The following ARHGAP20 variants were observed in gnomAD, a reference collection of about 807,000 sequenced individuals.
ARHGAP20 encodes Rho GTPase activating protein 20.
ARHGAP20 carries 34 observed loss-of-function variants against 73.7 expected under a neutral mutation model. The ratio of observed to expected loss-of-function variants is 0.46; its 90% CI spans 0.35 to 0.61. The LOEUF (loss-of-function observed/expected upper bound fraction) is 0.61. Among genes scored for constraint, ARHGAP20 ranks in the 20% least tolerant of loss-of-function variants. The probability of loss-of-function intolerance (pLI) is 0.00; values close to 1 mark genes in which losing one functional copy is unlikely to be tolerated. For missense variants in ARHGAP20, 1,314 were observed against 1,420.9 expected (o/e 0.92, Z 1.21); for synonymous variants, 523 against 518.2 (o/e 1.01, Z -0.13).
chr11:110,621,006 A>G (rs1199319023), intron 4 of ARHGAP20, among the ~76,000 whole-genome samples: 2 of 140,172 alleles, frequency 1.4e-5, no homozygotes, highest in Non-Finnish European at 3.0e-5. Context: ...GCCGGGAGGC[A>G]GAGGTTGCAG....
At chr11:110,696,022 T>C (rs190948999) in intron 1 of ARHGAP20, among the ~76,000 whole-genome samples, 1 of 151,636 alleles carries the variant, frequency 6.6e-6, no homozygotes, top group East Asian at 1.9e-4. Flanking sequence ...TGCTACAACA[T>C]GAGTGAACCT....
chr11:110,577,047 G>GTTAA lies in ARHGAP20; in HGVS notation c.*2319_*2322dup. On this transcript the variant is annotated 3_prime_UTR_variant, in exon 15 of 15. Coordinates refer to ENST00000683387, the MANE Select transcript of ARHGAP20 (RefSeq NM_001384657.1). ...AGGGCAATATTGCTCTGGTGGGATG[G>GTTAA]TTAATTCTGCAGAATGGCATTTTAT... is the stretch of plus-strand genomic sequence containing the variant. 7.2e-7 allele frequency: 1 copy of GTTAA among 1,385,852 alleles called. No individual in the cohort carries two copies. Among genetic ancestry groups the GTTAA allele is most frequent in the African/African-American group, 1.4e-5 (1 of 69,462 alleles). The allele number at this position is 1,385,852 out of a possible 1,614,324, so 85.8% of individuals were successfully genotyped here.
At chr11:110,624,616 C>T (rs555057238) in intron 3 of ARHGAP20, among the ~76,000 whole-genome samples, 106 of 148,626 alleles carry the variant, frequency 7.1e-4, no homozygotes, top group African/African-American at 2.5e-3. Context: ...ACATTCTGCA[C>T]ATGTATCCTG....
chr11:110,637,366 T>A (rs1948989981), intron 2 of ARHGAP20, among the ~76,000 whole-genome samples: 2 of 152,126 alleles, frequency 1.3e-5, no homozygotes, highest in Admixed American at 1.3e-4. Flanking sequence ...CACTGACCGA[T>A]AACTGTTAAA....
chr11:110,592,910 T>G (rs1254604507), intron 9 of ARHGAP20, among the ~76,000 whole-genome samples: 1 of 152,154 alleles, frequency 6.6e-6, no homozygotes, highest in East Asian at 1.9e-4. Context: ...AAACATGAAG[T>G]TTATAATCTA....
chr11:110,580,166 A>G lies in ARHGAP20; in HGVS notation c.2780T>C (p.Leu927Ser). 1.9e-6 allele frequency: 3 copies of G among 1,614,160 alleles called. No homozygotes were observed. Among genetic ancestry groups the G allele is most frequent in the Non-Finnish European group, 2.5e-6 (3 of 1,180,026 alleles). The part of the protein sequence containing the change: ...QNTEKVLPPR[L>S]NLCPRTSYSS... ...ATAGCTGGTCCTTGGGCAAAGGTTT[A>G]ATCTTGGGGGTAAAACCTTCTCAGT... The change falls in exon 15 of 15, where the codon TTA (leucine) becomes TCA (serine). Residue 927 changes from leucine (L) to serine (S), a missense_variant. By Grantham distance (145) the Leu-to-Ser change is moderately radical. Coordinates refer to ENST00000683387, the MANE Select transcript of ARHGAP20 (RefSeq NM_001384657.1).
intron 2 of ARHGAP20, among the ~76,000 whole-genome samples, chr11:110,646,164 A>G (rs182590799): frequency 6.6e-6 from 1 of 152,318 alleles, no homozygotes; most frequent in African/African-American, 2.4e-5. Context: ...TAGGAAATTT[A>G]TAAATATTGT....
At chr11:110,658,996 T>C (rs550667250) in intron 2 of ARHGAP20, among the ~76,000 whole-genome samples, 3 of 152,182 alleles carry the variant, frequency 2.0e-5, no homozygotes, top group Non-Finnish European at 2.9e-5. Context: ...TCTTTGCTAT[T>C]GTGAATAATG....
At chr11:110,656,079 G>A (rs183099260) in intron 2 of ARHGAP20, among the ~76,000 whole-genome samples, 3 of 152,284 alleles carry the variant, frequency 2.0e-5, no homozygotes, top group Admixed American at 2.0e-4. Flanking sequence ...TGTCTGGGAT[G>A]CTAGAGAGTT....
intron 2 of ARHGAP20, among the ~76,000 whole-genome samples, chr11:110,681,940 G>A (rs1238255400): frequency 6.6e-6 from 1 of 152,126 alleles, no homozygotes; most frequent in African/African-American, 2.4e-5. Context: ...AAGTGACTGA[G>A]CAAAGCAGGT....
chr11:110,578,941 T>G lies in ARHGAP20; in HGVS notation c.*429A>C. ...ATTAGTGGCATTTTTCTTGCCTACT[T>G]ATTAAAAACATTCCATGGAATGTAG... On this transcript the variant is annotated 3_prime_UTR_variant, in exon 15 of 15. Transcript: ENST00000683387. The G allele has an allele frequency of 2.0e-6, 2 of 987,156 alleles. No individual in the cohort carries two copies. Among genetic ancestry groups the G allele is most frequent in the Non-Finnish European group, 2.4e-6 (2 of 831,066 alleles). The allele number at this position is 987,156 out of a possible 1,614,324, so 61.1% of individuals were successfully genotyped here.
Position 110,578,982 on chromosome 11 carries a change from C to T in ARHGAP20, c.*388G>A. Reference sequence around the variant, plus strand: ...TGGAATGTAGATGGTTTCTCTGTACCCTTCCCCTCTCTCCTCAGGCCCCTA... The same window carrying T: ...TGGAATGTAGATGGTTTCTCTGTACTCTTCCCCTCTCTCCTCAGGCCCCTA... On this transcript the variant is annotated 3_prime_UTR_variant, in exon 15 of 15. Transcript: ENST00000683387. The T allele has an allele frequency of 1.0e-6, 1 of 991,122 alleles. No individual in the cohort carries two copies. The highest frequency in any genetic ancestry group is 1.2e-6 in the Non-Finnish European group (1 of 833,376). The allele number at this position is 991,122 out of a possible 1,614,324, so 61.4% of individuals were successfully genotyped here.
intron 3 of ARHGAP20, among the ~76,000 whole-genome samples, chr11:110,628,089 T>A (rs1948783270): frequency 6.6e-6 from 1 of 152,170 alleles, no homozygotes; most frequent in Non-Finnish European, 1.5e-5. Context: ...TTACTAAAAT[T>A]CACTAAACAA....
Position 110,586,206 on chromosome 11 carries a change from G to T in ARHGAP20, c.1415+10C>A, listed in dbSNP as rs977907954. 12 of 1,346,786 alleles carry T rather than the reference G, an allele frequency of 8.9e-6. No individual in the cohort carries two copies. Among genetic ancestry groups the T allele is most frequent in the South Asian group, 1.9e-5 (1 of 53,786 alleles). 83.4% of individuals were successfully genotyped at this position (1,346,786 alleles called of 1,614,324 possible). On this transcript the variant is annotated intron_variant, in intron 12 of 14. Coordinates refer to ENST00000683387, the MANE Select transcript of ARHGAP20 (RefSeq NM_001384657.1). ...GTATTTTTGAGACATGACCAAATTAGAATAATTACCTTTGAACAGTATTTA... is the reference window on the plus strand; with the variant it reads ...GTATTTTTGAGACATGACCAAATTATAATAATTACCTTTGAACAGTATTTA...
At position 110,578,759 on chromosome 11, in the gene ARHGAP20, C is replaced by T; in HGVS notation, c.*611G>A. 1.0e-6 allele frequency: 1 copy of T among 985,466 alleles called. No homozygotes were observed. Among genetic ancestry groups the T allele is most frequent in the Middle Eastern group, 5.1e-4 (1 of 1,958 alleles). 61.0% of individuals were successfully genotyped at this position (985,466 alleles called of 1,614,324 possible). A position where few individuals can be genotyped will look rare whatever the true frequency, so the allele number is the denominator to read the frequency against. On this transcript the variant is annotated 3_prime_UTR_variant, in exon 15 of 15. Coordinates refer to ENST00000683387, the MANE Select transcript of ARHGAP20 (RefSeq NM_001384657.1). ...TGGTACCCATGGCTTTTGAGTCACT[C>T]TGTTTTTCTCCACTCTAGCTGTAGC...
At chr11:110,670,688 A>G (rs1419791652) in intron 2 of ARHGAP20, among the ~76,000 whole-genome samples, 1 of 152,136 alleles carries the variant, frequency 6.6e-6, no homozygotes, top group Non-Finnish European at 1.5e-5. Flanking sequence ...AGGAAGTGAC[A>G]GTTCCCAACC....
intron 4 of ARHGAP20, among the ~76,000 whole-genome samples, chr11:110,621,214 T>A (rs1415102695): frequency 6.6e-6 from 1 of 152,138 alleles, no homozygotes; most frequent in Non-Finnish European, 1.5e-5. Flanking sequence ...ATCTTTCTCT[T>A]ATTTTTGATT....
intron 9 of ARHGAP20, among the ~76,000 whole-genome samples, chr11:110,598,350 G>A (rs1948025583): frequency 6.6e-6 from 1 of 152,154 alleles, no homozygotes; most frequent in African/African-American, 2.4e-5. Flanking sequence ...GTTCAGGACA[G>A]ACTGGAACTC....
rs1453009874 is a variant in ARHGAP20 at position 110,578,146 on chromosome 11, C to T, written c.*1224G>A. 1.0e-6 allele frequency: 1 copy of T among 985,196 alleles called. No individual in the cohort carries two copies. Among genetic ancestry groups the T allele is most frequent in the African/African-American group, 1.7e-5 (1 of 57,188 alleles). The allele number at this position is 985,196 out of a possible 1,614,324, so 61.0% of individuals were successfully genotyped here. ...TGCTGCAACCTTTAAGTCAAGAAAG[C>T]AGAGAAAGAAAGGTCCATGGATATA... On this transcript the variant is annotated 3_prime_UTR_variant, in exon 15 of 15. Coordinates refer to ENST00000683387, the MANE Select transcript of ARHGAP20 (RefSeq NM_001384657.1).
Sources: allele counts gnomAD v4.1 joint callset (sites outside exome capture counted in the v4.1 genomes callset), GRCh38; gene constraint gnomAD v4.1.1; transcripts MANE v1.5; gene names NCBI Gene and HGNC (gene_info 2026-07-23, HGNC 2026-07-21).